ERCC5: variants seen among roughly 807,000 people sequenced by gnomAD.
The protein encoded by ERCC5 is DNA excision repair protein ERCC-5.
A neutral mutation model predicts 105.6 loss-of-function variants in ERCC5; 68 were observed. The observed-to-expected ratio is 0.64, with a 90% confidence interval of 0.53 to 0.79. The LOEUF is 0.79. ERCC5 is among the 30% of genes least tolerant of loss of function. The probability of loss-of-function intolerance (pLI) is 0.00; values close to 1 mark genes in which losing one functional copy is unlikely to be tolerated. For missense variants in ERCC5, 1,373 were observed against 1,426.7 expected, an observed-to-expected ratio of 0.96 and a Z score of 0.61; for synonymous variants, 546 against 526.2, an observed-to-expected ratio of 1.04 and a Z score of -0.51.
At chr13:102,868,765 A>G (rs995363898) in intron 12 of ERCC5, among the ~76,000 whole-genome samples, 1 of 152,226 alleles carries the variant, frequency 6.6e-6, no homozygotes, top group Non-Finnish European at 1.5e-5. Flanking sequence ...GTTTCTCACC[A>G]TGTGAATCCC....
In ERCC5 at chr13:102,862,671, G is replaced by A. The variant is rs200503959; in HGVS notation, c.1522G>A (p.Val508Ile). ...KDRLPLESAVVRHSDAPGLPN... is the reference protein window; with the variant it reads ...KDRLPLESAVIRHSDAPGLPN... ...TCGGCTGCCTCTGGAGAGTGCAGTG[G>A]TTAGACATAGTGACGCACCTGGGCT... The change falls in exon 8 of 15, where the codon GTT becomes ATT. Residue 508 changes from valine (V) to isoleucine (I), a missense_variant. By Grantham distance (29) the Val-to-Ile change is conservative. This residue lies in a region of ERCC5 where 1,004 missense variants were observed against 1,059.7 expected (regional missense o/e 0.95). Transcript: ENST00000652225. The A allele has an allele frequency of 6.2e-7, 1 of 1,614,186 alleles. No homozygotes were observed. The highest frequency in any genetic ancestry group is 8.5e-7 in the Non-Finnish European group (1 of 1,180,044).
intron 8 of ERCC5, among the ~76,000 whole-genome samples, chr13:102,863,408 A>T (rs1359875110): frequency 6.6e-6 from 1 of 152,214 alleles, no homozygotes; most frequent in Non-Finnish European, 1.5e-5. Context: ...AACTTTAAAA[A>T]GTTGGAAGAA....
rs4150262 is a variant in ERCC5 at position 102,851,963 on chromosome 13, G to T, written c.89-155G>T. On this transcript the variant is annotated intron_variant, in intron 1 of 14. Coordinates refer to ENST00000652225, the MANE Select transcript of ERCC5 (RefSeq NM_000123.4). ...TTCAACTAAAAGTTAACTGACTTTA[G>T]GTAGATCCCATGAGAGCTAAATGTT... is the stretch of plus-strand genomic sequence containing the variant. Among the ~76,000 whole-genome samples, 4,759 of 152,184 alleles carry T rather than the reference G, an allele frequency of 0.031. 254 individuals carry two copies. Among genetic ancestry groups the T allele is most frequent in the African/African-American group, 0.11 (4,485 of 41,500 alleles).
At chr13:102,868,015 A>T (rs1034810923) in intron 11 of ERCC5, 98 bp from the exon 12 acceptor site, 2 of 1,149,116 alleles carry the variant, frequency 1.7e-6, no homozygotes, top group African/African-American at 3.1e-5. Context: ...TTGGATATAG[A>T]TATAGATATA....
Position 102,846,355 on chromosome 13 carries a change from GT to G in ERCC5, c.88+2del. On this transcript the variant is annotated splice_donor_variant, in intron 1 of 14. Transcript: ENST00000652225. LOFTEE classifies it high-confidence loss of function. The stretch of plus-strand genomic sequence containing the variant: ...CTGGAAGGGAAGATCCTGGCTGTTG[GT>G]ATCCTTAACGCCGCGTTGGGACTTG... 1 of 1,613,930 alleles carries G rather than the reference GT, an allele frequency of 6.2e-7. No homozygotes were observed. Among genetic ancestry groups the G allele is most frequent in the Non-Finnish European group, 8.5e-7 (1 of 1,179,854 alleles).
At chr13:102,846,557 T>A (rs1201654877) in intron 1 of ERCC5, among the ~76,000 whole-genome samples, 2 of 152,182 alleles carry the variant, frequency 1.3e-5, no homozygotes, top group Non-Finnish European at 2.9e-5. Context: ...CCCTCCTCCG[T>A]ATACCACGAT....
intron 1 of ERCC5, among the ~76,000 whole-genome samples, chr13:102,848,855 C>G (rs4150254): frequency 0.024 from 3,603 of 152,128 alleles, 115 homozygotes; most frequent in African/African-American, 0.077. Flanking sequence ...TCAACCCTAG[C>G]TGAGAATTGG....
chr13:102,861,421 T>A, intron 6 of ERCC5, 86 bp from the exon 7 acceptor site: 1 of 1,453,442 alleles, frequency 6.9e-7, no homozygotes, highest in East Asian at 2.4e-5. Flanking sequence ...TGTTCTTTGT[T>A]CCCTGTTGGG....
chr13:102,846,309 C>A lies in ERCC5; in HGVS notation c.43C>A (p.Arg15=). 1 of 1,613,962 alleles carries A rather than the reference C, an allele frequency of 6.2e-7. No individual in the cohort carries two copies. The highest frequency in any genetic ancestry group is 8.5e-7 in the Non-Finnish European group (1 of 1,179,982). The stretch of plus-strand genomic sequence containing the variant: ...CTGGAAGCTGCTGGAGTGCTCCGGG[C>A]GGCAGGTCAGCCCCGAAGCGCTGGA... ...GLWKLLECSG[R]QVSPEALEGK... is the part of the protein sequence containing the mutation. The change falls in exon 1 of 15, where the codon CGG becomes AGG. Residue 15 remains arginine, a synonymous_variant. Coordinates refer to ENST00000652225, the MANE Select transcript of ERCC5 (RefSeq NM_000123.4).
intron 8 of ERCC5, among the ~76,000 whole-genome samples, chr13:102,864,126 CCACACACACA>C (rs10647676): frequency 3.5e-4 from 49 of 140,972 alleles, no homozygotes; most frequent in African/African-American, 1.1e-3. Flanking sequence ...AGAGAATCAA[CCACACACACA>C]CACACACACA....
chr13:102,855,080 G>A (rs960345301), intron 4 of ERCC5, among the ~76,000 whole-genome samples: 3 of 151,890 alleles, frequency 2.0e-5, no homozygotes, highest in African/African-American at 4.8e-5. Flanking sequence ...TTTTCTCCAG[G>A]TTACATTATT....
chr13:102,875,556 A>G lies in ERCC5; in HGVS notation c.3214A>G (p.Arg1072Gly). The G allele has an allele frequency of 6.2e-7, 1 of 1,612,888 alleles. No homozygotes were observed. The highest frequency in any genetic ancestry group is 8.5e-7 in the Non-Finnish European group (1 of 1,179,632). The stretch of plus-strand genomic sequence containing the variant: ...CTTAGAAGAGTCATCAAGCCTGAAA[A>G]GAAAGAGGCTTTCAGATTCTAAAGG... Reference protein sequence around the residue: ...NTLEESSSLKRKRLSDSKGKN... With the variant: ...NTLEESSSLKGKRLSDSKGKN... Residue 1072 changes from arginine to glycine, a missense_variant, in exon 15 of 15, where the codon AGA (arginine) becomes GGA (glycine). By Grantham distance (125) the Arg-to-Gly change is moderately radical (BLOSUM62 -2). This residue lies in a region of ERCC5 where 367 missense variants were observed against 350.2 expected (regional missense o/e 1.05). Transcript: ENST00000652225.
chr13:102,873,192 T>C, intron 13 of ERCC5, 67 bp from the exon 14 acceptor site: 3 of 1,601,494 alleles, frequency 1.9e-6, no homozygotes, highest in Non-Finnish European at 2.6e-6. Flanking sequence ...ATGGGTTCTT[T>C]GGACCTTTTT....
At chr13:102,871,058 G>A (rs1196470749) in intron 12 of ERCC5, among the ~76,000 whole-genome samples, 1 of 152,200 alleles carries the variant, frequency 6.6e-6, no homozygotes, top group Non-Finnish European at 1.5e-5. Flanking sequence ...AGGCCTGGTG[G>A]GGGTGTCTTG....
At chr13:102,851,133 TTAAC>T (rs1367939380) in intron 1 of ERCC5, among the ~76,000 whole-genome samples, 1 of 152,202 alleles carries the variant, frequency 6.6e-6, no homozygotes, top group Non-Finnish European at 1.5e-5. Flanking sequence ...TTTTTTATAT[TTAAC>T]ATATATACTG....
At position 102,866,388 on chromosome 13, in the gene ERCC5, G is replaced by A. The variant is rs199940051; in HGVS notation, c.2319+7G>A. On this transcript the variant is annotated splice_region_variant and intron_variant, in intron 10 of 14. Transcript: ENST00000652225. ...GATGTTCCTGGAAAGCCAGGTGGGT[G>A]CAGGCAGCTTGGGTTTCCTTTACCA... 1.9e-6 allele frequency: 3 copies of A among 1,614,116 alleles called. No individual in the cohort carries two copies. The highest frequency in any genetic ancestry group is 1.3e-5 in the African/African-American group (1 of 75,058).
chr13:102,869,288 A>G (rs939915774), intron 12 of ERCC5, among the ~76,000 whole-genome samples: 2 of 152,236 alleles, frequency 1.3e-5, no homozygotes, highest in African/African-American at 4.8e-5. Flanking sequence ...GGAAATTTAT[A>G]TACCGGGAAT....
intron 8 of ERCC5, among the ~76,000 whole-genome samples, chr13:102,864,402 A>G (rs971229564): frequency 6.6e-6 from 1 of 152,082 alleles, no homozygotes; most frequent in Non-Finnish European, 1.5e-5. Flanking sequence ...ATTACTTGAC[A>G]TCCTCCTATG....
chr13:102,846,824 C>T (rs954733241), intron 1 of ERCC5, among the ~76,000 whole-genome samples: 2 of 152,182 alleles, frequency 1.3e-5, no homozygotes, highest in East Asian at 1.9e-4. Context: ...AGGCGGGCCG[C>T]CCTGTCTGCT....
Sources: allele counts gnomAD v4.1 joint callset (sites outside exome capture counted in the v4.1 genomes callset), GRCh38; gene constraint gnomAD v4.1.1; regional missense constraint gnomAD v4.1.1; transcripts MANE v1.5; gene names NCBI Gene and HGNC (gene_info 2026-07-23, HGNC 2026-07-21).